STAC: variants seen among roughly 807,000 people sequenced by gnomAD.
The protein encoded by STAC is SH3 and cysteine rich domain, also known as SH3 and cysteine-rich domain-containing protein.
STAC carries 43 observed loss-of-function variants against 48.8 expected under a neutral mutation model. The ratio of observed to expected loss-of-function variants is 0.88; its 90% CI spans 0.69 to 1.14. The LOEUF (loss-of-function observed/expected upper bound fraction) is 1.14, where lower values mean the gene tolerates loss of function less well. Among genes scored for constraint, STAC ranks in the 50% most tolerant of loss-of-function variants. STAC has a pLI of 0.00. For synonymous variants in STAC, 193 were observed against 179.5 expected, an observed-to-expected ratio of 1.07 and a Z score of -0.60; for missense variants, 497 against 504.0, an observed-to-expected ratio of 0.99 and a Z score of 0.13.
Position 36,483,079 on chromosome 3 carries a change from G to A in STAC, c.476G>A (p.Cys159Tyr). The part of the protein sequence containing the change: ...KCTDGLAPQR[C>Y]MGKLPKGFRR... ...ACAGATGGCCTGGCACCCCAGCGGT[G>A]CATGGGCAAGCTGGTAAGGGCTTGT... is the stretch of plus-strand genomic sequence containing the variant. The change falls in exon 3 of 11, where the codon TGC (cysteine) becomes TAC (tyrosine). Residue 159 changes from cysteine to tyrosine, a missense_variant. By Grantham distance (194) the Cys-to-Tyr change is radical (BLOSUM62 -2). Coordinates refer to ENST00000273183, the MANE Select transcript of STAC (RefSeq NM_003149.3). The A allele has an allele frequency of 6.2e-7, 1 of 1,613,752 alleles. No individual in the cohort carries two copies. The highest frequency in any genetic ancestry group is 2.2e-5 in the East Asian group (1 of 44,866).
intron 1 of STAC, among the ~76,000 whole-genome samples, chr3:36,419,047 CAAAAAAA>C (rs1193056059): frequency 1.1e-5 from 1 of 90,556 alleles, no homozygotes; most frequent in African/African-American, 4.6e-5. Context: ...AACTCCGACT[CAAAAAAA>C]AAAAAAAAAA....
intron 2 of STAC, among the ~76,000 whole-genome samples, chr3:36,444,394 A>G (rs1371305980): frequency 6.6e-6 from 1 of 152,200 alleles, no homozygotes; most frequent in African/African-American, 2.4e-5. Flanking sequence ...TCACTCAGGC[A>G]TCTTCAGATC....
intron 2 of STAC, among the ~76,000 whole-genome samples, chr3:36,474,178 T>C (rs1697426369): frequency 6.6e-6 from 1 of 152,196 alleles, no homozygotes; most frequent in Non-Finnish European, 1.5e-5. Context: ...AAAATTCCTG[T>C]TCACATTTGT....
chr3:36,511,341 A>C (rs1321594508), intron 8 of STAC, among the ~76,000 whole-genome samples: 3 of 152,208 alleles, frequency 2.0e-5, no homozygotes, highest in African/African-American at 7.2e-5. Flanking sequence ...TATAATCATA[A>C]ACACTCAGCA....
intron 6 of STAC, among the ~76,000 whole-genome samples, chr3:36,495,843 C>T (rs1396499885): frequency 2.0e-5 from 3 of 152,240 alleles, no homozygotes; most frequent in Non-Finnish European, 4.4e-5. Flanking sequence ...GGACAACTCA[C>T]GTGAGCATCA....
At chr3:36,421,820 A>T (rs1700458398) in intron 1 of STAC, among the ~76,000 whole-genome samples, 1 of 151,998 alleles carries the variant, frequency 6.6e-6, no homozygotes, top group Non-Finnish European at 1.5e-5. Context: ...TACTGTTTCA[A>T]ATTTTACTAT....
intron 2 of STAC, among the ~76,000 whole-genome samples, chr3:36,454,100 T>A (rs551508414): frequency 6.0e-4 from 92 of 152,142 alleles, no homozygotes; most frequent in Non-Finnish European, 1.1e-3. Flanking sequence ...TGGGGCCAAA[T>A]AAGAGAATAA....
chr3:36,521,830 G>A (rs552032650), intron 8 of STAC, among the ~76,000 whole-genome samples: 126 of 152,244 alleles, frequency 8.3e-4, no homozygotes, highest in Middle Eastern at 3.4e-3. Context: ...ATGGTGGCTC[G>A]TGTCTGTAAG....
At chr3:36,416,730 T>G (rs1007367791) in intron 1 of STAC, among the ~76,000 whole-genome samples, 1 of 152,216 alleles carries the variant, frequency 6.6e-6, no homozygotes, top group Admixed American at 6.5e-5. Context: ...AATCATTGTC[T>G]TCTCTATGCC....
chr3:36,433,636 C>A (rs1221780145), intron 1 of STAC, among the ~76,000 whole-genome samples: 1 of 152,162 alleles, frequency 6.6e-6, no homozygotes, highest in Non-Finnish European at 1.5e-5. Context: ...AGAATTAGAT[C>A]TTAGACTTCC....
At chr3:36,489,259 C>T (rs1697902205) in intron 5 of STAC, among the ~76,000 whole-genome samples, 1 of 152,114 alleles carries the variant, frequency 6.6e-6, no homozygotes, top group Non-Finnish European at 1.5e-5. Flanking sequence ...TCATAGAGTG[C>T]CTGGCACATA....
At chr3:36,409,839 G>A (rs916223457) in intron 1 of STAC, 4 of 152,182 alleles carry the variant, frequency 2.6e-5, no homozygotes, top group African/African-American at 4.8e-5. Context: ...ATAAACAGAT[G>A]AGGGAAAGCT....
chr3:36,521,420 T>C (rs892834832), intron 8 of STAC, among the ~76,000 whole-genome samples: 11 of 152,094 alleles, frequency 7.2e-5, no homozygotes, highest in Admixed American at 2.6e-4. Context: ...TTAGTGAACA[T>C]TGCCATCGCC....
intron 10 of STAC, among the ~76,000 whole-genome samples, chr3:36,532,136 A>T (rs1313931219): frequency 2.6e-5 from 4 of 152,052 alleles, no homozygotes; most frequent in Non-Finnish European, 5.9e-5. Context: ...ATATCCAACA[A>T]TTGCTATATC....
At chr3:36,392,077 T>C (rs903785446) in intron 1 of STAC, among the ~76,000 whole-genome samples, 1 of 152,140 alleles carries the variant, frequency 6.6e-6, no homozygotes, top group African/African-American at 2.4e-5. Context: ...ACAAGGTGAC[T>C]TGGAGACCTT....
chr3:36,515,623 T>C (rs1698652566), intron 8 of STAC, among the ~76,000 whole-genome samples: 1 of 152,170 alleles, frequency 6.6e-6, no homozygotes, highest in African/African-American at 2.4e-5. Context: ...CAGTTACCCA[T>C]TTGTCTGGTG....
chr3:36,467,913 CCAGTT>C (rs1697222346), intron 2 of STAC, among the ~76,000 whole-genome samples: 1 of 151,900 alleles, frequency 6.6e-6, no homozygotes, highest in African/African-American at 2.4e-5. Flanking sequence ...TCTTGTTTCT[CCAGTT>C]CCTTGAGTTG....
chr3:36,404,589 T>C (rs989671633), intron 1 of STAC, among the ~76,000 whole-genome samples: 2 of 152,152 alleles, frequency 1.3e-5, no homozygotes, highest in African/African-American at 4.8e-5. Context: ...CAAATTTCTA[T>C]CAGTATCATA....
chr3:36,465,284 C>A (rs1405560818), intron 2 of STAC, among the ~76,000 whole-genome samples: 1 of 152,070 alleles, frequency 6.6e-6, no homozygotes, highest in East Asian at 1.9e-4. Flanking sequence ...CTATTCATGT[C>A]CTTAACCGAC....
Sources: gnomAD v4.1 joint callset for allele counts (sites outside exome capture counted in the v4.1 genomes callset) on GRCh38, gnomAD v4.1.1 for gene constraint, MANE v1.5 for transcripts, NCBI Gene and HGNC (gene_info 2026-07-23, HGNC 2026-07-21) for gene names.